The following IQANK1 variants were observed in gnomAD, a reference collection of about 807,000 sequenced individuals.
IQANK1 encodes the protein IQ motif and ankyrin repeat domain-containing protein 1.
IQANK1 carries 30 observed loss-of-function variants against 22.6 expected under a neutral mutation model. The observed-to-expected ratio is 1.33, with a 90% CI of 0.99 to 1.80. The LOEUF (loss-of-function observed/expected upper bound fraction) is 1.80, where lower values mean the gene tolerates loss of function less well. Ranked by LOEUF, IQANK1 falls within the 40% of genes most tolerant of loss-of-function variation. IQANK1 has a pLI of 0.00. For missense variants in IQANK1, 275 were observed against 235.2 expected (o/e 1.17, Z -1.11); for synonymous variants, 122 against 99.6 (o/e 1.23, Z -1.34).
intron 3 of IQANK1, chr8:143,743,856 TG>T: frequency 4.6e-6 from 2 of 430,630 alleles, no homozygotes; most frequent in South Asian, 1.7e-5. Context: ...CTTTTTTTTT[TG>T]AGATGGAGTT....
At chr8:143,736,047 G>A (rs1818728768) in intron 2 of IQANK1, 109 bp downstream of exon 2, 1 of 650,414 alleles carries the variant, frequency 1.5e-6, no homozygotes, top group Admixed American at 2.3e-5. Flanking sequence ...CTTCTTCCAA[G>A]AGTGGCTTTT....
intron 7 of IQANK1, among the ~76,000 whole-genome samples, chr8:143,773,205 G>A (rs1819614640): frequency 6.6e-6 from 1 of 151,924 alleles, no homozygotes; most frequent in African/African-American, 2.4e-5. Flanking sequence ...TACTTGGGAG[G>A]CTGAGGCAGG....
intron 3 of IQANK1, among the ~76,000 whole-genome samples, chr8:143,740,467 A>G (rs1242279894): frequency 1.4e-4 from 21 of 152,158 alleles, no homozygotes; most frequent in Non-Finnish European, 2.4e-4. Context: ...GCGCCTCCCA[A>G]CGCGAACTCG....
intron 3 of IQANK1, among the ~76,000 whole-genome samples, chr8:143,754,051 TCC>T (rs142065771): frequency 0.58 from 88,214 of 151,772 alleles, 30,563 homozygotes; most frequent in Non-Finnish European, 0.77. Context: ...CTTTCTAATT[TCC>T]CCAGTATATA....
chr8:143,762,940 CT>C (rs200578256), intron 3 of IQANK1, among the ~76,000 whole-genome samples: 3 of 151,268 alleles, frequency 2.0e-5, no homozygotes, highest in South Asian at 4.2e-4. Context: ...TCCCTCTTTT[CT>C]TTTTTTTTCT....
At chr8:143,752,449 CTT>C (rs1444184458) in intron 3 of IQANK1, among the ~76,000 whole-genome samples, 3 of 152,122 alleles carry the variant, frequency 2.0e-5, no homozygotes, top group African/African-American at 4.8e-5. Context: ...GTGTGGGTCT[CTT>C]TGAGTTCATT....
intron 2 of IQANK1, among the ~76,000 whole-genome samples, chr8:143,738,691 G>T (rs1818810034): frequency 6.6e-6 from 1 of 152,092 alleles, no homozygotes; most frequent in African/African-American, 2.4e-5. Flanking sequence ...CGGCACCAAT[G>T]CCCCCCGCCC....
At chr8:143,787,000 C>T (rs1265584635) in intron 7 of IQANK1, among the ~76,000 whole-genome samples, 1 of 152,134 alleles carries the variant, frequency 6.6e-6, no homozygotes, top group African/African-American at 2.4e-5. Flanking sequence ...ATTCTGGTGG[C>T]ACTTGGACAG....
chr8:143,787,823 C>T (rs1182511021), intron 7 of IQANK1, among the ~76,000 whole-genome samples: 1 of 152,116 alleles, frequency 6.6e-6, no homozygotes, highest in Non-Finnish European at 1.5e-5. Context: ...TGCGGCCGCT[C>T]ACCCGCGCAC....
intron 7 of IQANK1, among the ~76,000 whole-genome samples, chr8:143,788,217 A>G (rs2129958587): frequency 6.6e-6 from 1 of 152,362 alleles, no homozygotes; most frequent in African/African-American, 2.4e-5. Flanking sequence ...TTCCTGGTCA[A>G]GCGTGATGCC....
At chr8:143,782,892 G>A (rs1563780604) in intron 7 of IQANK1, among the ~76,000 whole-genome samples, 1 of 152,008 alleles carries the variant, frequency 6.6e-6, no homozygotes, top group Admixed American at 6.6e-5. Flanking sequence ...ATATAGCTTT[G>A]TTTCACTGTG....
In IQANK1 at chr8:143,772,930, G is replaced by T. The variant is rs531409330; in HGVS notation, c.789+448G>T. Among the ~76,000 whole-genome samples the T allele has an allele frequency of 9.2e-5, 14 of 152,340 alleles. No homozygotes were observed. The South Asian group carries it at 2.9e-3, about 32-fold the overall frequency. On this transcript the variant is annotated intron_variant, in intron 7 of 13. Transcript: ENST00000527139. ...CCATCGGTCCCCTCACTGTCAGTAC[G>T]TCGGTTTTCCAGAGAACTTGAGCCA...
At position 143,790,393 on chromosome 8, in the gene IQANK1, T is replaced by G; in HGVS notation, c.1468T>G (p.Phe490Val). ...LVFDLREEDL[F>V]PVVQRQLEAV... ...GTTCGACCTGCGAGAGGAAGACCTG[T>G]TCCCAGTCGTGCAGCGGCAGCTGGA... Residue 490 changes from phenylalanine to valine, a missense_variant, in exon 14 of 14, where the codon TTC becomes GTC. Coordinates refer to ENST00000527139, the MANE Select transcript of IQANK1 (RefSeq NM_001381874.1). 1.1e-6 allele frequency: 1 copy of G among 889,602 alleles called. No individual in the cohort carries two copies. Among genetic ancestry groups the G allele is most frequent in the Non-Finnish European group, 1.5e-6 (1 of 676,164 alleles). 55.1% of individuals were successfully genotyped at this position (889,602 alleles called of 1,614,324 possible). A position where few individuals can be genotyped will look rare whatever the true frequency, so the allele number is the denominator to read the frequency against.
chr8:143,742,970 C>G (rs1563768390), intron 3 of IQANK1: 1 of 456,080 alleles, frequency 2.2e-6, no homozygotes, highest in Non-Finnish European at 4.4e-6. Context: ...TCTATGGACC[C>G]CTTCACCGGG....
chr8:143,762,137 A>G (rs1819407182), intron 3 of IQANK1, among the ~76,000 whole-genome samples: 2 of 152,164 alleles, frequency 1.3e-5, no homozygotes, highest in East Asian at 3.8e-4. Context: ...CTTGTTAGGA[A>G]GAACTTTAGA....
intron 7 of IQANK1, among the ~76,000 whole-genome samples, chr8:143,777,536 A>C (rs1227340413): frequency 5.3e-5 from 8 of 151,054 alleles, no homozygotes; most frequent in Middle Eastern, 3.4e-3. Flanking sequence ...AAAAAAAAAA[A>C]AAACAAACCA....
chr8:143,737,386 C>G (rs375342096), intron 2 of IQANK1, among the ~76,000 whole-genome samples: 5 of 152,228 alleles, frequency 3.3e-5, no homozygotes, highest in East Asian at 1.9e-4. Context: ...AGGGACACCT[C>G]TGTCCCTGAA....
intron 7 of IQANK1, among the ~76,000 whole-genome samples, chr8:143,781,265 G>A (rs1554630915): frequency 1.3e-5 from 2 of 152,160 alleles, no homozygotes; most frequent in Non-Finnish European, 2.9e-5. Context: ...CTCCCATTCT[G>A]TAGGTGGTCT....
At chr8:143,788,784 C>T (rs1178165006) in intron 7 of IQANK1, 131 bp from the exon 8 acceptor site, 1 of 397,406 alleles carries the variant, frequency 2.5e-6, no homozygotes, top group African/African-American at 2.1e-5. Flanking sequence ...CACCACGCAC[C>T]AGCTGTGAGC....
Sources: allele counts gnomAD v4.1 joint callset (sites outside exome capture counted in the v4.1 genomes callset), GRCh38; gene constraint gnomAD v4.1.1; transcripts MANE v1.5; gene names NCBI Gene and HGNC (gene_info 2026-07-23, HGNC 2026-07-21).